Variants in CACNA1E observed in about 807,000 individuals in gnomAD.
The protein encoded by CACNA1E is voltage-dependent R-type calcium channel subunit alpha-1E.
Under a neutral mutation model 259.2 loss-of-function variants are expected in CACNA1E, and 40 were observed. The ratio of observed to expected loss-of-function variants is 0.15; its 90% confidence interval spans 0.12 to 0.20. The LOEUF is 0.20. Among genes scored for constraint, CACNA1E ranks in the 10% least tolerant of loss-of-function variants. The probability of loss-of-function intolerance (pLI) is 1.00; values close to 1 mark genes in which losing one functional copy is unlikely to be tolerated. For synonymous variants in CACNA1E, 1,104 were observed against 1,138.5 expected, an observed-to-expected ratio of 0.97 and a Z score of 0.61; for missense variants, 1,874 against 3,040.1, an observed-to-expected ratio of 0.62 and a Z score of 9.02.
At chr1:181,666,294 T>C (rs1024776959) in intron 7 of CACNA1E, among the ~76,000 whole-genome samples, 3 of 152,156 alleles carry the variant, frequency 2.0e-5, no homozygotes, top group African/African-American at 4.8e-5. Context: ...CAGTTTTCAA[T>C]AGATGTTGAG....
chr1:181,632,139 G>A (rs185371136), intron 6 of CACNA1E, among the ~76,000 whole-genome samples: 1 of 152,150 alleles, frequency 6.6e-6, no homozygotes, highest in Non-Finnish European at 1.5e-5. Flanking sequence ...TTCTTCATAT[G>A]ACACCTCTTT....
Position 181,782,591 on chromosome 1 carries a change from G to C in CACNA1E, c.5364+1068G>C, listed in dbSNP as rs1440979446. Among the ~76,000 whole-genome samples the C allele has an allele frequency of 6.6e-5, 10 of 152,296 alleles. No individual in the cohort carries two copies. The East Asian group carries it at 1.7e-3, about 26-fold the overall frequency. ...CAGCTTTAGGCAGGATGCTGCAATG[G>C]AACATTAGAGACCCTTCTTTGGGAA... On this transcript the variant is annotated intron_variant, in intron 39 of 47. Transcript: ENST00000367573.
intron 1 of CACNA1E, among the ~76,000 whole-genome samples, chr1:181,505,758 G>A (rs1427368060): frequency 6.6e-6 from 1 of 152,090 alleles, no homozygotes; most frequent in African/African-American, 2.4e-5. Flanking sequence ...TGTGTCTACA[G>A]TGGACAGTAT....
In CACNA1E at chr1:181,776,398, A is replaced by G. The variant is rs1659979300; in HGVS notation, c.5267+170A>G. ...GGCTCTGGTATCAAGCCAGTCACCA[A>G]GGACTTCTGTATCCTCCTTTCCCCT... On this transcript the variant is annotated intron_variant, in intron 38 of 47. Coordinates refer to ENST00000367573, the MANE Select transcript of CACNA1E (RefSeq NM_001205293.3). This position sits in a 1 kb window ranked among gnomAD's most constrained non-coding sequence, Gnocchi z 4.4. 1.6e-6 allele frequency: 1 copy of G among 635,050 alleles called. No homozygotes were observed. Among genetic ancestry groups the G allele is most frequent in the Non-Finnish European group, 2.8e-6 (1 of 362,936 alleles). The allele number at this position is 635,050 out of a possible 1,614,324, so 39.3% of individuals were successfully genotyped here. A position where few individuals can be genotyped will look rare whatever the true frequency, so the allele number is the denominator to read the frequency against.
At position 181,785,667 on chromosome 1, in the gene CACNA1E, C is replaced by T. The variant is rs473200; in HGVS notation, c.5680-46C>T. 253,020 of 1,281,290 alleles carry T rather than the reference C, an allele frequency of 0.2. 26,416 individuals are homozygous for T. Among genetic ancestry groups the T allele is most frequent in the South Asian group, 0.3 (25,332 of 83,664 alleles). 79.4% of individuals were successfully genotyped at this position (1,281,290 alleles called of 1,614,324 possible). ...ATTTTATTTTCCCCACAGCAAACTC[C>T]GTAGTCATTGGAATTCTTTCCTTCT... On this transcript the variant is annotated intron_variant, in intron 42 of 47. Coordinates refer to ENST00000367573, the MANE Select transcript of CACNA1E (RefSeq NM_001205293.3).
intron 6 of CACNA1E, among the ~76,000 whole-genome samples, chr1:181,599,744 A>G (rs187811618): frequency 8.6e-4 from 131 of 152,380 alleles, no homozygotes; most frequent in African/African-American, 3.0e-3. Context: ...AGTGAATGAT[A>G]TAGGATCAAG....
chr1:181,693,608 G>A (rs1304947710), intron 7 of CACNA1E, among the ~76,000 whole-genome samples: 1 of 152,002 alleles, frequency 6.6e-6, no homozygotes. Flanking sequence ...AAATAATTGG[G>A]CACTCATGGA....
At chr1:181,362,288 T>A (rs1653938181) in intron 1 of CACNA1E, among the ~76,000 whole-genome samples, 1 of 152,230 alleles carries the variant, frequency 6.6e-6, no homozygotes, top group South Asian at 2.1e-4. Flanking sequence ...AAGTCTCTTG[T>A]GTTTTCCTAG....
In CACNA1E at chr1:181,483,941, A is replaced by G. The variant is rs768401805; in HGVS notation, c.197A>G (p.Asn66Ser). 3.7e-6 allele frequency: 6 copies of G among 1,613,760 alleles called. No individual in the cohort carries two copies. The South Asian group carries it at 6.6e-5, about 18-fold the overall frequency. ...IPVRQNCFTV[N>S]RSLFIFGEDN... ...GTCCGGCAGAACTGTTTCACCGTCA[A>G]CAGATCCCTGTTCATCTTCGGAGAA... is the stretch of plus-strand genomic sequence containing the variant. The change falls in exon 1 of 48, where the codon AAC becomes AGC. Residue 66 changes from asparagine to serine, a missense_variant. Physicochemically the swap from Asn to Ser is conservative, Grantham distance 46. This residue lies in a region of CACNA1E where 110 missense variants were observed against 122.8 expected (regional missense o/e 0.90). Transcript: ENST00000367573.
At chr1:181,592,623 C>G (rs1652772460) in intron 6 of CACNA1E, among the ~76,000 whole-genome samples, 1 of 152,162 alleles carries the variant, frequency 6.6e-6, no homozygotes, top group Admixed American at 6.5e-5. Context: ...TGGAACCTGA[C>G]TTTGAAATGC....
At chr1:181,681,870 C>G (rs1002404861) in intron 7 of CACNA1E, among the ~76,000 whole-genome samples, 1 of 152,110 alleles carries the variant, frequency 6.6e-6, no homozygotes, top group African/African-American at 2.4e-5. Context: ...GGGCTTTGGG[C>G]AAGTCATTTT....
At chr1:181,466,303 G>A (rs1442979033) in intron 2 of CACNA1E, among the ~76,000 whole-genome samples, 5 of 152,162 alleles carry the variant, frequency 3.3e-5, no homozygotes, top group African/African-American at 4.8e-5. Context: ...AGCACTTTGG[G>A]AGGCCAAGGC....
intron 2 of CACNA1E, among the ~76,000 whole-genome samples, chr1:181,453,899 C>A (rs1418093911): frequency 6.6e-6 from 1 of 152,204 alleles, no homozygotes; most frequent in Non-Finnish European, 1.5e-5. Context: ...GGTCACCCAC[C>A]AGATCCACAG....
intron 3 of CACNA1E, among the ~76,000 whole-genome samples, chr1:181,576,506 T>C (rs1650992728): frequency 6.6e-6 from 1 of 152,266 alleles, no homozygotes; most frequent in Admixed American, 6.5e-5. Context: ...CAGTTCTTTT[T>C]CTGAGATTGA....
chr1:181,681,778 A>G (rs1227073269), intron 7 of CACNA1E, among the ~76,000 whole-genome samples: 1 of 152,176 alleles, frequency 6.6e-6, no homozygotes, highest in Non-Finnish European at 1.5e-5. Flanking sequence ...TTTTCAATCT[A>G]TAAAAGGGAG....
chr1:181,690,152 A>G (rs992269463), intron 7 of CACNA1E, among the ~76,000 whole-genome samples: 1 of 152,094 alleles, frequency 6.6e-6, no homozygotes, highest in African/African-American at 2.4e-5. Context: ...TAATTTTTGT[A>G]TAAGGTGTAA....
At chr1:181,677,781 G>A (rs1214012514) in intron 7 of CACNA1E, among the ~76,000 whole-genome samples, 2 of 152,194 alleles carry the variant, frequency 1.3e-5, no homozygotes, top group East Asian at 3.8e-4. Context: ...TTGAAAGGTA[G>A]CTGGAACTTA....
intron 6 of CACNA1E, among the ~76,000 whole-genome samples, chr1:181,642,875 G>A (rs1158263551): frequency 6.6e-6 from 1 of 152,136 alleles, no homozygotes; most frequent in African/African-American, 2.4e-5. Flanking sequence ...GTTGCAGAGG[G>A]CCTTCTTTTT....
At chr1:181,386,509 G>A (rs1406494337) in intron 1 of CACNA1E, among the ~76,000 whole-genome samples, 1 of 152,150 alleles carries the variant, frequency 6.6e-6, no homozygotes, top group East Asian at 1.9e-4. Flanking sequence ...CACCGAAGGG[G>A]GTGAGGACAA....
Sources: allele counts gnomAD v4.1 joint callset (sites outside exome capture counted in the v4.1 genomes callset), GRCh38; gene constraint gnomAD v4.1.1; regional missense constraint gnomAD v4.1.1; non-coding constraint Gnocchi (gnomAD v3.1); transcripts MANE v1.5; gene names NCBI Gene and HGNC (gene_info 2026-07-23, HGNC 2026-07-21).